Variants in NAALADL2 observed in about 807,000 individuals in gnomAD.
The protein encoded by NAALADL2 is inactive N-acetylated-alpha-linked acidic dipeptidase-like protein 2.
A neutral mutation model predicts 87.2 loss-of-function variants in NAALADL2; 76 were observed. That is an observed-to-expected ratio of 0.87 (90% CI 0.72 to 1.05). NAALADL2 has a LOEUF of 1.05. Among genes scored for constraint, NAALADL2 ranks in the 50% least tolerant of loss-of-function variants. The pLI, the probability that NAALADL2 is intolerant of heterozygous loss-of-function variation, is 0.00. For missense variants in NAALADL2, 1,089 were observed against 945.8 expected (o/e 1.15, Z -1.99); for synonymous variants, 354 against 331.0 (o/e 1.07, Z -0.75).
chr3:175,098,261 C>T (rs1025033307), intron 2 of NAALADL2, among the ~76,000 whole-genome samples: 1 of 152,054 alleles, frequency 6.6e-6, no homozygotes, highest in Non-Finnish European at 1.5e-5. Flanking sequence ...AAATTGTTTA[C>T]ATTGAGCTAA....
intron 10 of NAALADL2, among the ~76,000 whole-genome samples, chr3:175,618,244 G>A (rs1162332803): frequency 6.6e-6 from 1 of 152,134 alleles, no homozygotes; most frequent in Non-Finnish European, 1.5e-5. Flanking sequence ...AGAGAAAAGG[G>A]GACCTGGACT....
Position 175,424,373 on chromosome 3 carries a change from A to G in NAALADL2, c.1091-22856A>G, listed in dbSNP as rs577108134. ...AATGGTATTGCCTAGGTTTTCTTCTAGGGTTTTTATGGTTTTAGGTCTAAC... is the reference window on the plus strand; with the variant it reads ...AATGGTATTGCCTAGGTTTTCTTCTGGGGTTTTTATGGTTTTAGGTCTAAC... On this transcript the variant is annotated intron_variant, in intron 5 of 13. Coordinates refer to ENST00000454872, the MANE Select transcript of NAALADL2 (RefSeq NM_207015.3). Among the ~76,000 whole-genome samples, 912 of 152,204 alleles carry G rather than the reference A, an allele frequency of 6.0e-3. 12 individuals are homozygous for G. The highest frequency in any genetic ancestry group is 0.021 in the African/African-American group (859 of 41,528).
At chr3:174,791,397 T>C (rs1376338553) in intron 3 of NAALADL2, among the ~76,000 whole-genome samples, 1 of 152,190 alleles carries the variant, frequency 6.6e-6, no homozygotes. Context: ...AGAGAGACCA[T>C]CCATCCTTCC....
At chr3:175,567,750 C>G (rs1206760396) in intron 9 of NAALADL2, among the ~76,000 whole-genome samples, 1 of 146,786 alleles carries the variant, frequency 6.8e-6, no homozygotes, top group Non-Finnish European at 1.5e-5. Context: ...GAGTCTTACT[C>G]TGTCACCCAG....
chr3:175,226,117 T>C (rs1045027014), intron 2 of NAALADL2, among the ~76,000 whole-genome samples: 1 of 152,122 alleles, frequency 6.6e-6, no homozygotes, highest in African/African-American at 2.4e-5. Flanking sequence ...ACTGAGCCCA[T>C]CAGCATGCCT....
chr3:175,262,025 T>G (rs1221562313), intron 4 of NAALADL2, among the ~76,000 whole-genome samples: 1 of 152,094 alleles, frequency 6.6e-6, no homozygotes, highest in Non-Finnish European at 1.5e-5. Context: ...TAGCATTATT[T>G]AAAGAAAAGC....
At chr3:174,564,736 A>G (rs1244966887) in intron 2 of NAALADL2, among the ~76,000 whole-genome samples, 2 of 152,134 alleles carry the variant, frequency 1.3e-5, no homozygotes, top group East Asian at 1.9e-4. Context: ...GATTTATTAT[A>G]ACAAAATTGT....
At chr3:174,989,685 A>G (rs1262110136) in intron 1 of NAALADL2, among the ~76,000 whole-genome samples, 1 of 152,168 alleles carries the variant, frequency 6.6e-6, no homozygotes, top group Non-Finnish European at 1.5e-5. Context: ...GGCTATAACT[A>G]AAATATAAGC....
intron 3 of NAALADL2, among the ~76,000 whole-genome samples, chr3:174,813,872 A>G (rs189858932): frequency 6.6e-6 from 1 of 152,028 alleles, no homozygotes; most frequent in Non-Finnish European, 1.5e-5. Flanking sequence ...AATATTTAAG[A>G]TCTCAAACTT....
intron 9 of NAALADL2, among the ~76,000 whole-genome samples, chr3:175,494,089 G>T (rs74492831): frequency 0.1 from 15,451 of 151,840 alleles, 978 homozygotes; most frequent in African/African-American, 0.17. Context: ...TTGTTTATAA[G>T]CTCACCATTT....
chr3:174,912,855 T>A (rs938612020), intron 1 of NAALADL2, among the ~76,000 whole-genome samples: 3 of 152,220 alleles, frequency 2.0e-5, no homozygotes, highest in Non-Finnish European at 4.4e-5. Flanking sequence ...GGATTATTTA[T>A]GAAAATATTT....
Position 174,494,613 on chromosome 3 carries a change from T to A in NAALADL2, c.-184+53581T>A, listed in dbSNP as rs558782524. Among the ~76,000 whole-genome samples, 22 of 95,930 alleles carry A rather than the reference T, an allele frequency of 2.3e-4. No homozygotes were observed. The East Asian group carries it at 5.0e-3, about 22-fold the overall frequency. The allele number at this position is 95,930 out of a possible 152,430, so 62.9% of individuals were successfully genotyped here. On this transcript the variant is annotated intron_variant, in intron 1 of 3. Coordinates refer to the NAALADL2 transcript ENST00000434257. The stretch of plus-strand genomic sequence containing the variant: ...CGTTGTGCACATGTACCCTAGAACT[T>A]AAAGTATTAAAAAAAAAAAAGAAGT...
At chr3:175,754,932 A>G (rs2150132369) in intron 12 of NAALADL2, among the ~76,000 whole-genome samples, 1 of 152,314 alleles carries the variant, frequency 6.6e-6, no homozygotes, top group Non-Finnish European at 1.5e-5. Flanking sequence ...AATTTAGTAA[A>G]ATATAAAAAC....
Position 175,234,003 on chromosome 3 carries a change from T to C in NAALADL2, c.618T>C (p.Ser206=). 6.2e-7 allele frequency: 1 copy of C among 1,613,296 alleles called. No individual in the cohort carries two copies. The highest frequency in any genetic ancestry group is 1.1e-5 in the South Asian group (1 of 91,064). Reference sequence around the variant, plus strand: ...AGAAGATTAAGACTCAGTGGACCTCTTTGGGCCTAGAAGATGTACAGTTTG... The same window carrying C: ...AGAAGATTAAGACTCAGTGGACCTCCTTGGGCCTAGAAGATGTACAGTTTG... The part of the protein sequence containing the change: ...ISKKIKTQWT[S]LGLEDVQFVN... The change falls in exon 3 of 14, where the codon TCT becomes TCC. Residue 206 remains serine (S), a synonymous_variant. Transcript: ENST00000454872.
intron 4 of NAALADL2, among the ~76,000 whole-genome samples, chr3:175,262,187 A>G (rs62285938): frequency 0.042 from 6,353 of 152,106 alleles, 261 homozygotes; most frequent in Admixed American, 0.12. Context: ...TCAATAAGAA[A>G]TCCTCTAGTT....
intron 13 of NAALADL2, among the ~76,000 whole-genome samples, chr3:175,800,052 A>T (rs1051384005): frequency 5.9e-5 from 9 of 152,140 alleles, no homozygotes; most frequent in Non-Finnish European, 8.8e-5. Flanking sequence ...GTTTATTCCC[A>T]GATTGCATAT....
At chr3:175,405,595 T>C (rs1712184918) in intron 5 of NAALADL2, among the ~76,000 whole-genome samples, 1 of 152,218 alleles carries the variant, frequency 6.6e-6, no homozygotes, top group African/African-American at 2.4e-5. Flanking sequence ...CTTTCTAATA[T>C]ATTTTCTTTC....
At chr3:175,320,618 GA>G (rs946612895) in intron 4 of NAALADL2, among the ~76,000 whole-genome samples, 1 of 152,192 alleles carries the variant, frequency 6.6e-6, no homozygotes, top group Non-Finnish European at 1.5e-5. Context: ...CTCAGCCCTG[GA>G]AAAAATATGT....
At chr3:174,863,239 A>G (rs1726720237) in intron 1 of NAALADL2, among the ~76,000 whole-genome samples, 1 of 152,110 alleles carries the variant, frequency 6.6e-6, no homozygotes, top group Non-Finnish European at 1.5e-5. Flanking sequence ...GTTTTACGGA[A>G]GAATTTGGTG....
Sources: gnomAD v4.1 joint callset for allele counts (sites outside exome capture counted in the v4.1 genomes callset) on GRCh38, gnomAD v4.1.1 for gene constraint, MANE v1.5 for transcripts, NCBI Gene and HGNC (gene_info 2026-07-23, HGNC 2026-07-21) for gene names.